The following ARHGAP35 variants were observed in gnomAD, a reference collection of about 807,000 sequenced individuals.
ARHGAP35 encodes the protein rho GTPase-activating protein 35.
Under a neutral mutation model 111.1 loss-of-function variants are expected in ARHGAP35, and 15 were observed. The observed-to-expected ratio is 0.13, with a 90% CI of 0.09 to 0.21. The LOEUF is 0.21. Among genes scored for constraint, ARHGAP35 ranks in the 10% least tolerant of loss-of-function variants. ARHGAP35 has a pLI of 1.00. For synonymous variants in ARHGAP35, 643 were observed against 710.3 expected, an observed-to-expected ratio of 0.91 and a Z score of 1.51; for missense variants, 1,262 against 1,873.0, an observed-to-expected ratio of 0.67 and a Z score of 6.02.
At chr19:46,972,290 G>A (rs1328693050) in intron 3 of ARHGAP35, among the ~76,000 whole-genome samples, 7 of 152,248 alleles carry the variant, frequency 4.6e-5, no homozygotes, top group South Asian at 4.1e-4. Flanking sequence ...GATTACAGGC[G>A]TGAGCCACCG....
At chr19:46,878,058 GT>G (rs1206451084) in intron 1 of ARHGAP35, among the ~76,000 whole-genome samples, 4 of 151,852 alleles carry the variant, frequency 2.6e-5, no homozygotes, top group Non-Finnish European at 5.9e-5. Flanking sequence ...GTCTTCCTTT[GT>G]TGCCCAGGCT....
chr19:46,866,981 A>G (rs1443021672), intron 1 of ARHGAP35, among the ~76,000 whole-genome samples: 4 of 152,210 alleles, frequency 2.6e-5, no homozygotes, highest in African/African-American at 9.7e-5. Flanking sequence ...AAGAAATGCA[A>G]ACAAATAATT....
At chr19:46,881,484 T>C (rs974109058) in intron 1 of ARHGAP35, among the ~76,000 whole-genome samples, 4 of 152,234 alleles carry the variant, frequency 2.6e-5, no homozygotes, top group African/African-American at 9.6e-5. Flanking sequence ...AGCTTTTGGA[T>C]GACTAGGTGC....
chr19:46,981,653 A>AT (rs1037310386), intron 3 of ARHGAP35, among the ~76,000 whole-genome samples: 12 of 152,024 alleles, frequency 7.9e-5, no homozygotes, highest in African/African-American at 2.9e-4. Context: ...GCATCTCTCC[A>AT]TTTTTTTAGT....
At chr19:46,881,850 C>G (rs1427013106) in intron 1 of ARHGAP35, among the ~76,000 whole-genome samples, 4 of 152,154 alleles carry the variant, frequency 2.6e-5, no homozygotes, top group Admixed American at 2.6e-4. Flanking sequence ...CTATAGTAGC[C>G]ACCTTCATCA....
intron 3 of ARHGAP35, among the ~76,000 whole-genome samples, chr19:46,981,763 A>G (rs1450653426): frequency 6.6e-6 from 1 of 152,218 alleles, no homozygotes; most frequent in Admixed American, 6.5e-5. Flanking sequence ...TCCATGGGGA[A>G]GTCCCCACCA....
At chr19:46,877,429 G>C (rs1469491603) in intron 1 of ARHGAP35, among the ~76,000 whole-genome samples, 1 of 151,528 alleles carries the variant, frequency 6.6e-6, no homozygotes, top group Non-Finnish European at 1.5e-5. Flanking sequence ...CGGGCGTGGT[G>C]GTGGGCACCT....
chr19:46,981,913 T>G (rs1296498415), intron 3 of ARHGAP35, among the ~76,000 whole-genome samples: 1 of 152,132 alleles, frequency 6.6e-6, no homozygotes, highest in Non-Finnish European at 1.5e-5. Flanking sequence ...AAGTGCAGTG[T>G]TATGGACATG....
chr19:46,905,652 C>T (rs1268946621), intron 1 of ARHGAP35, among the ~76,000 whole-genome samples: 3 of 151,546 alleles, frequency 2.0e-5, no homozygotes, highest in African/African-American at 4.9e-5. Context: ...CAGGTTCAAA[C>T]GATTCTGGTG....
intron 1 of ARHGAP35, among the ~76,000 whole-genome samples, chr19:46,871,381 C>G (rs1299021765): frequency 6.6e-6 from 1 of 152,088 alleles, no homozygotes; most frequent in Non-Finnish European, 1.5e-5. Context: ...CTTGCTCTGT[C>G]ACCCAGGCTA....
In ARHGAP35 at chr19:46,895,478, T is replaced by C. The variant is rs892589021; in HGVS notation, c.-188-23010T>C. 2.6e-5 allele frequency among the ~76,000 whole-genome samples: 4 copies of C among 152,228 alleles called. No homozygotes were observed. The South Asian group carries it at 6.2e-4, about 24-fold the overall frequency. On this transcript the variant is annotated intron_variant, in intron 1 of 6. Coordinates refer to ENST00000672722, the MANE Select transcript of ARHGAP35 (RefSeq NM_004491.5). ...CCGCGCCCAGCCGGGCAAAATCTTATAGCATCTTATCCCTTCTATGGTTTG... is the reference window on the plus strand; with the variant it reads ...CCGCGCCCAGCCGGGCAAAATCTTACAGCATCTTATCCCTTCTATGGTTTG...
At position 46,983,606 on chromosome 19, in the gene ARHGAP35, CTTTTT is replaced by C. The variant is rs11383795; in HGVS notation, c.3827-4362_3827-4358del. 5.9e-4 allele frequency among the ~76,000 whole-genome samples: 41 copies of C among 69,268 alleles called. No homozygotes were observed. In the East Asian group the frequency reaches 0.016, roughly 27 times the overall value. 45.4% of individuals were successfully genotyped at this position (69,268 alleles called of 152,430 possible). ...TATTTGCCATTCTGTAATGTCCATT[CTTTTT>C]TTTTTTTTTTTTTTTTTTTTGAGAC... On this transcript the variant is annotated intron_variant, in intron 3 of 6. Coordinates refer to ENST00000672722, the MANE Select transcript of ARHGAP35 (RefSeq NM_004491.5).
At chr19:46,861,571 A>G (rs1056130999) in intron 1 of ARHGAP35, among the ~76,000 whole-genome samples, 7 of 128,160 alleles carry the variant, frequency 5.5e-5, no homozygotes, top group African/African-American at 2.1e-4. Flanking sequence ...CCACCCCTCC[A>G]TAATGCCCTT....
chr19:46,969,552 ACTAGTGT>A (rs2056533314), intron 3 of ARHGAP35, among the ~76,000 whole-genome samples: 1 of 152,138 alleles, frequency 6.6e-6, no homozygotes, highest in Non-Finnish European at 1.5e-5. Flanking sequence ...GGGAGACAGC[ACTAGTGT>A]CTTCGGTGAA....
chr19:46,998,651 G>A (rs1021058689), intron 5 of ARHGAP35, among the ~76,000 whole-genome samples: 1 of 152,238 alleles, frequency 6.6e-6, no homozygotes, highest in Non-Finnish European at 1.5e-5. Flanking sequence ...TGGGCCTGGC[G>A]CGGGTTACAA....
intron 3 of ARHGAP35, among the ~76,000 whole-genome samples, chr19:46,944,047 C>T (rs930726848): frequency 1.3e-5 from 2 of 152,076 alleles, no homozygotes; most frequent in South Asian, 2.1e-4. Flanking sequence ...TGCCTGTAAT[C>T]CCAGCACTTT....
intron 1 of ARHGAP35, among the ~76,000 whole-genome samples, chr19:46,890,740 G>C (rs1052931061): frequency 6.6e-6 from 1 of 152,258 alleles, no homozygotes; most frequent in Non-Finnish European, 1.5e-5. Flanking sequence ...AAACACGACA[G>C]TGACTGAGGC....
chr19:46,965,807 A>G (rs1023503547), intron 3 of ARHGAP35, among the ~76,000 whole-genome samples: 4 of 152,088 alleles, frequency 2.6e-5, no homozygotes, highest in Non-Finnish European at 5.9e-5. Flanking sequence ...TTTCAACTCC[A>G]TGTTTCATTC....
rs1287299851 is a variant in ARHGAP35, at chr19:46,901,797, C to CT, written c.-188-16689dup. ...TTAGGTTATCATTAGCCCCTAGAGA[C>CT]TTACCTGTCTCCTTGAAGAACATCA... On this transcript the variant is annotated intron_variant, in intron 1 of 6. Coordinates refer to ENST00000672722, the MANE Select transcript of ARHGAP35 (RefSeq NM_004491.5). This position sits in a 1 kb window ranked among gnomAD's most constrained non-coding sequence, Gnocchi z 4.5. Among the ~76,000 whole-genome samples the CT allele has an allele frequency of 6.6e-6, 1 of 152,182 alleles. No individual in the cohort carries two copies. Among genetic ancestry groups the CT allele is most frequent in the Non-Finnish European group, 1.5e-5 (1 of 68,038 alleles).
Sources: gnomAD v4.1 joint callset for allele counts (sites outside exome capture counted in the v4.1 genomes callset) on GRCh38, gnomAD v4.1.1 for gene constraint, Gnocchi (gnomAD v3.1) non-coding constraint, MANE v1.5 for transcripts, NCBI Gene and HGNC (gene_info 2026-07-23, HGNC 2026-07-21) for gene names.